Variants in BRSK2 observed in about 807,000 individuals in gnomAD.
BRSK2 encodes the protein serine/threonine-protein kinase BRSK2.
BRSK2 carries 19 observed loss-of-function variants against 83.3 expected under a neutral mutation model. The observed-to-expected ratio is 0.23, with a 90% CI of 0.16 to 0.33. The LOEUF is 0.33. Ranked by LOEUF, BRSK2 falls within the 10% of genes least tolerant of loss-of-function variation. The pLI is 1.00. For missense variants in BRSK2, 798 were observed against 1,042.3 expected (o/e 0.77, Z 3.23); for synonymous variants, 519 against 435.4 (o/e 1.19, Z -2.39).
At chr11:1,443,706 G>A (rs930211375) in intron 8 of BRSK2, 71 bp downstream of exon 8, 86 of 1,373,712 alleles carry the variant, frequency 6.3e-5, no homozygotes, top group Non-Finnish European at 8.0e-5. Flanking sequence ...GTGCCTGTGT[G>A]TGCACAGGTG....
intron 3 of BRSK2, among the ~76,000 whole-genome samples, chr11:1,439,905 C>T (rs1463503122): frequency 6.6e-6 from 1 of 152,116 alleles, no homozygotes; most frequent in Non-Finnish European, 1.5e-5. Flanking sequence ...CCTTCCCCTG[C>T]CCTGGGGGCT....
chr11:1,460,459 T>G (rs1847304115), intron 19 of BRSK2, 41 bp from the exon 20 acceptor site: 3 of 1,064,480 alleles, frequency 2.8e-6, no homozygotes, highest in Non-Finnish European at 3.5e-6. Flanking sequence ...TTTTCTTTTT[T>G]CCTTTTTTTT....
At position 1,450,216 on chromosome 11, in the gene BRSK2, C is replaced by T. The variant is rs368057675; in HGVS notation, c.1288-371C>T. Among the ~76,000 whole-genome samples the T allele has an allele frequency of 5.3e-4, 81 of 152,038 alleles. No individual in the cohort carries two copies. The East Asian group carries it at 0.011, about 21-fold the overall frequency. On this transcript the variant is annotated intron_variant, in intron 13 of 19. Coordinates refer to ENST00000528841, the MANE Select transcript of BRSK2 (RefSeq NM_001256627.2). ...ACCCCGCTCGCTCCCTGCGCCTCCC[C>T]GTAGCCTATTAGGAAGCTTGTCCTG...
chr11:1,449,992 G>A (rs748811707), intron 13 of BRSK2, among the ~76,000 whole-genome samples, 156 bp downstream of exon 13: 38 of 152,252 alleles, frequency 2.5e-4, no homozygotes, highest in Non-Finnish European at 3.2e-4. Context: ...GCTCTGTGGC[G>A]CAGGCTGCTC....
Position 1,460,827 on chromosome 11 carries a change from A to C in BRSK2, c.*104A>C. On this transcript the variant is annotated 3_prime_UTR_variant, in exon 20 of 20. Transcript: ENST00000528841. Reference sequence around the variant, plus strand: ...CCGCGGCCGCGCCGCCCGTCCGTCCAGACTGTTCTCAGAGCCTGGGAGGAA... The same window carrying C: ...CCGCGGCCGCGCCGCCCGTCCGTCCCGACTGTTCTCAGAGCCTGGGAGGAA... The C allele has an allele frequency of 6.6e-7, 1 of 1,511,866 alleles. No individual in the cohort carries two copies. The highest frequency in any genetic ancestry group is 8.8e-7 in the Non-Finnish European group (1 of 1,133,426). 93.7% of individuals were successfully genotyped at this position (1,511,866 alleles called of 1,614,324 possible). A position where few individuals can be genotyped will look rare whatever the true frequency, so the allele number is the denominator to read the frequency against.
chr11:1,421,907 T>C (rs1848664412), intron 1 of BRSK2, among the ~76,000 whole-genome samples: 1 of 150,930 alleles, frequency 6.6e-6, no homozygotes, highest in Admixed American at 6.6e-5. Flanking sequence ...CACCGGGGTC[T>C]CTGCTGGAGA....
At chr11:1,457,931 G>A (rs547572618) in intron 18 of BRSK2, among the ~76,000 whole-genome samples, 1 of 152,316 alleles carries the variant, frequency 6.6e-6, no homozygotes, top group Admixed American at 6.5e-5. Flanking sequence ...GGCTGGCACA[G>A]CGGGTAAGGA....
At chr11:1,417,606 T>C (rs112028686) in intron 1 of BRSK2, among the ~76,000 whole-genome samples, 2 of 147,864 alleles carry the variant, frequency 1.4e-5, no homozygotes, top group Non-Finnish European at 3.0e-5. Context: ...CTGTTTCTTC[T>C]CTTGAGAGTG....
At chr11:1,427,721 G>A (rs1413839134) in intron 1 of BRSK2, among the ~76,000 whole-genome samples, 4 of 152,250 alleles carry the variant, frequency 2.6e-5, no homozygotes, top group African/African-American at 7.2e-5. Context: ...ACAGCAATTA[G>A]AGATGGACTC....
Position 1,443,353 on chromosome 11 carries a change from CG to C in BRSK2, c.585del (p.Lys196ArgfsTer33), listed in dbSNP as rs1851613671. 1 of 1,608,336 alleles carries C rather than the reference CG, an allele frequency of 6.2e-7. No homozygotes were observed. Among genetic ancestry groups the C allele is most frequent in the African/African-American group, 1.3e-5 (1 of 74,842 alleles). On this transcript the variant is annotated frameshift_variant, in exon 7 of 20. Coordinates refer to ENST00000528841, the MANE Select transcript of BRSK2 (RefSeq NM_001256627.2). LOFTEE classifies it high-confidence loss of function. ...TCCACAGGGGGAGAAGTATGACGGCCGGAAGGCGGACGTGTGGAGCTGCGGC... is the reference window on the plus strand; with the variant it reads ...TCCACAGGGGGAGAAGTATGACGGCCGAAGGCGGACGTGTGGAGCTGCGGC... The part of the protein sequence containing the change: ...EVIRGEKYDG[R>X]KADVWSCGVI...
chr11:1,450,452 AC>A (rs1845678891), intron 13 of BRSK2, 134 bp from the exon 14 acceptor site: 5 of 573,508 alleles, frequency 8.7e-6, no homozygotes, highest in South Asian at 2.3e-5. Context: ...CCCGGCCAGC[AC>A]CCCAGCCCGG....
chr11:1,394,986 TCCTGGAGATGGGCC>T lies in BRSK2; in HGVS notation c.91+4625_91+4638del, dbSNP rs1554885004. On this transcript the variant is annotated intron_variant, in intron 1 of 19. Transcript: ENST00000528841. ...CCTGGAGATGGGCCATGGAGATGGGTCCTGGAGATGGGCCCCTGGAGATGGGCTGTGCAGGGCTG... is the reference window on the plus strand; with the variant it reads ...CCTGGAGATGGGCCATGGAGATGGGTCCTGGAGATGGGCTGTGCAGGGCTG... Among the ~76,000 whole-genome samples, 3 of 144,016 alleles carry T rather than the reference TCCTGGAGATGGGCC, an allele frequency of 2.1e-5. No individual in the cohort carries two copies. In the South Asian group the frequency reaches 6.5e-4, roughly 31 times the overall value. The allele number at this position is 144,016 out of a possible 152,430, so 94.5% of individuals were successfully genotyped here. A position where few individuals can be genotyped will look rare whatever the true frequency, so the allele number is the denominator to read the frequency against.
At chr11:1,398,188 G>A (rs1263112591) in intron 1 of BRSK2, among the ~76,000 whole-genome samples, 7 of 152,196 alleles carry the variant, frequency 4.6e-5, no homozygotes, top group African/African-American at 1.7e-4. Flanking sequence ...GTCAGGATAG[G>A]GGCTGGGGGG....
At chr11:1,433,965 G>A (rs937813031) in intron 1 of BRSK2, among the ~76,000 whole-genome samples, 2 of 152,238 alleles carry the variant, frequency 1.3e-5, no homozygotes, top group African/African-American at 4.8e-5. Context: ...CAGGCGTGAC[G>A]CCACACAGAT....
At chr11:1,402,320 T>C (rs1226561370) in intron 1 of BRSK2, among the ~76,000 whole-genome samples, 5 of 152,312 alleles carry the variant, frequency 3.3e-5, no homozygotes, top group Non-Finnish European at 7.4e-5. Context: ...CAAGTCACCT[T>C]GTTTCAGGGC....
At chr11:1,443,074 G>C in intron 5 of BRSK2, 32 bp from the exon 6 acceptor site, 1 of 1,526,420 alleles carries the variant, frequency 6.6e-7, no homozygotes, top group Non-Finnish European at 8.8e-7. Flanking sequence ...AGCGCCCGGA[G>C]CCCCGCCGCT....
In BRSK2 at chr11:1,411,461, T is replaced by C. The variant is rs61868960; in HGVS notation, c.91+21086T>C. 0.46 allele frequency: 682,040 copies of C among 1,470,786 alleles called. 166,451 individuals are homozygous for C. Among genetic ancestry groups the C allele is most frequent in the Non-Finnish European group, 0.5 (561,882 of 1,118,582 alleles). 91.1% of individuals were successfully genotyped at this position (1,470,786 alleles called of 1,614,324 possible). On this transcript the variant is annotated intron_variant, in intron 1 of 19. Transcript: ENST00000528841. ...CACGTCCCCGCCGGCCCTGCATCTGTCCTTCCTCCCTCTGCTCCCCAAGAG... is the reference window on the plus strand; with the variant it reads ...CACGTCCCCGCCGGCCCTGCATCTGCCCTTCCTCCCTCTGCTCCCCAAGAG...
chr11:1,421,882 A>C (rs1377434437), intron 1 of BRSK2, among the ~76,000 whole-genome samples: 1 of 151,572 alleles, frequency 6.6e-6, no homozygotes, highest in Non-Finnish European at 1.5e-5. Flanking sequence ...CTGGGGAGCA[A>C]ACCTGCCGGC....
intron 1 of BRSK2, among the ~76,000 whole-genome samples, chr11:1,401,507 C>A (rs1477691133): frequency 6.6e-6 from 1 of 152,204 alleles, no homozygotes; most frequent in Non-Finnish European, 1.5e-5. Context: ...GGAGTATGTT[C>A]CTGGAGCCAG....
Sources: gnomAD v4.1 joint callset for allele counts (sites outside exome capture counted in the v4.1 genomes callset) on GRCh38, gnomAD v4.1.1 for gene constraint, MANE v1.5 for transcripts, NCBI Gene and HGNC (gene_info 2026-07-23, HGNC 2026-07-21) for gene names.